POLA2: variants seen among roughly 807,000 people sequenced by gnomAD.
POLA2 encodes the protein DNA polymerase alpha subunit B.
In POLA2, 47 loss-of-function variants were observed where a neutral mutation model predicts 82.8. The observed-to-expected ratio is 0.57, with a 90% CI of 0.45 to 0.72. POLA2 has a LOEUF of 0.72. Ranked by LOEUF, POLA2 falls within the 30% of genes least tolerant of loss-of-function variation. The pLI is 0.00. For synonymous variants in POLA2, 287 were observed against 286.8 expected, an observed-to-expected ratio of 1.00 and a Z score of -0.01; for missense variants, 634 against 728.1, an observed-to-expected ratio of 0.87 and a Z score of 1.49.
downstream of POLA2, among the ~76,000 whole-genome samples, chr11:65,298,986 C>G (rs1276606555): frequency 6.6e-6 from 1 of 152,216 alleles, no homozygotes; most frequent in Non-Finnish European, 1.5e-5. Context: ...ATGCTAACAC[C>G]AGAGCAGACA....
At chr11:65,304,317 A>T (rs1446877677) in intron 8 of POLA2, among the ~76,000 whole-genome samples, 1 of 149,742 alleles carries the variant, frequency 6.7e-6, no homozygotes, top group Non-Finnish European at 1.5e-5. Context: ...CCACCCACTC[A>T]TCCATCCATC....
At chr11:65,274,353 C>A (rs1205376384) in intron 4 of POLA2, among the ~76,000 whole-genome samples, 5 of 145,172 alleles carry the variant, frequency 3.4e-5, no homozygotes, top group Admixed American at 1.4e-4. Flanking sequence ...GCAACAAGAG[C>A]GAAGTGAAAT....
rs575531013 is a variant in POLA2, at chr11:65,273,522, C to T, written c.355-2370C>T. Among the ~76,000 whole-genome samples, 30 of 152,254 alleles carry T rather than the reference C, an allele frequency of 2.0e-4. No individual in the cohort carries two copies. In the East Asian group the frequency reaches 3.9e-3, roughly 20 times the overall value. On this transcript the variant is annotated intron_variant, in intron 4 of 17. Coordinates refer to ENST00000265465, the MANE Select transcript of POLA2 (RefSeq NM_002689.4). The stretch of plus-strand genomic sequence containing the variant: ...AGTGCTGTCACCTTGCCACGTCTTG[C>T]GAGACAGACTGTCATTCTCTCAAAA...
rs932210383 is a variant in POLA2 at position 65,286,791 on chromosome 11, TTTG to T, written c.1007-917_1007-915del. On this transcript the variant is annotated intron_variant, in intron 10 of 17. Coordinates refer to ENST00000265465, the MANE Select transcript of POLA2 (RefSeq NM_002689.4). ...GTTAAGAAGCCAGGGATCTTTGGAT[TTTG>T]TTGTTGTAAGCCACAGAAACTGGCT... Among the ~76,000 whole-genome samples the T allele has an allele frequency of 7.1e-4, 108 of 152,186 alleles. 2 individuals carry two copies. Among genetic ancestry groups the T allele is most frequent in the Admixed American group, 2.6e-3 (39 of 15,270 alleles).
chr11:65,281,239 GTC>G, intron 8 of POLA2, 92 bp downstream of exon 8: 1 of 1,340,500 alleles, frequency 7.5e-7, no homozygotes, highest in Non-Finnish European at 1.0e-6. Context: ...CTCAGTTCCT[GTC>G]TCTGCTGCCA....
At chr11:65,283,223 C>G (rs1218128603) in intron 10 of POLA2, among the ~76,000 whole-genome samples, 1 of 152,218 alleles carries the variant, frequency 6.6e-6, no homozygotes. Context: ...AGTGGAACAA[C>G]TAGCAACATC....
chr11:65,263,314 G>A (rs571074540), intron 1 of POLA2, among the ~76,000 whole-genome samples: 5 of 148,056 alleles, frequency 3.4e-5, no homozygotes, highest in African/African-American at 1.3e-4. Flanking sequence ...CCGCCTCCCA[G>A]GTTCAAGCGA....
At chr11:65,284,774 G>A (rs892218892) in intron 10 of POLA2, among the ~76,000 whole-genome samples, 8 of 151,986 alleles carry the variant, frequency 5.3e-5, no homozygotes, top group Admixed American at 1.3e-4. Context: ...TGATCTGCCC[G>A]CCTCGGCCTC....
intron 4 of POLA2, among the ~76,000 whole-genome samples, chr11:65,273,374 G>C (rs189289539): frequency 6.6e-6 from 1 of 152,262 alleles, no homozygotes; most frequent in Admixed American, 6.5e-5. Flanking sequence ...TGTTAATAAT[G>C]AATCGTATGA....
At chr11:65,295,771 C>T in intron 16 of POLA2, 93 bp from the exon 17 acceptor site, 2 of 1,489,282 alleles carry the variant, frequency 1.3e-6, no homozygotes, top group Non-Finnish European at 1.9e-6. Flanking sequence ...TCTGTGGATG[C>T]CAGCAGCACG....
chr11:65,294,004 G>A lies in POLA2; in HGVS notation c.1245-149G>A, dbSNP rs560931477. The A allele has an allele frequency of 3.1e-4, 225 of 732,210 alleles. 2 individuals are homozygous for A. In the South Asian group the frequency reaches 3.1e-3, roughly 10 times the overall value. 45.4% of individuals were successfully genotyped at this position (732,210 alleles called of 1,614,324 possible). On this transcript the variant is annotated intron_variant, in intron 13 of 17. Transcript: ENST00000265465. ...CTCCCAGTGTCCCATGGGAAACAGC[G>A]TCTCTGTTCATAACAGAGTGCAGTT...
Position 65,289,822 on chromosome 11 carries a change from T to C in POLA2, c.1194T>C (p.Phe398=). The C allele has an allele frequency of 6.2e-7, 1 of 1,611,216 alleles. No individual in the cohort carries two copies. The highest frequency in any genetic ancestry group is 8.5e-7 in the Non-Finnish European group (1 of 1,177,398). ...AGAATTGTCTACTGACAAGTCCATT[T>C]GAAGACATTTTCAAGCAGTGTCTAC... ...QVENCLLTSP[F]EDIFKQCLRT... Residue 398 remains phenylalanine (F), a synonymous_variant, in exon 13 of 18, where the codon TTT becomes TTC. Transcript: ENST00000265465.
chr11:65,273,685 G>A (rs116013643), intron 4 of POLA2, among the ~76,000 whole-genome samples: 2,416 of 151,880 alleles, frequency 0.016, 69 homozygotes, highest in African/African-American at 0.056. Flanking sequence ...ATAAAGGCAG[G>A]GTGTCACTAT....
Position 65,266,583 on chromosome 11 carries a change from G to A in POLA2, c.81G>A (p.Leu27=), listed in dbSNP as rs759867853. 1 of 1,613,980 alleles carries A rather than the reference G, an allele frequency of 6.2e-7. No homozygotes were observed. Among genetic ancestry groups the A allele is most frequent in the Non-Finnish European group, 8.5e-7 (1 of 1,179,990 alleles). ...CTTGTCCAATTTTCCTTTCTACAGT[G>A]GTAGAGCTTTGTGTTCAGTATGGAC... ...LDCEEALIEK[L]VELCVQYGQN... is the part of the protein sequence containing the mutation. Residue 27 remains leucine, a splice_region_variant and synonymous_variant, in exon 2 of 18, where the codon TTG becomes TTA. Transcript: ENST00000265465.
chr11:65,300,490 G>A (rs1266365921), downstream of POLA2, among the ~76,000 whole-genome samples: 1 of 151,822 alleles, frequency 6.6e-6, no homozygotes, highest in East Asian at 1.9e-4. Flanking sequence ...GACCTCAGGT[G>A]ATCCACTCGC....
At chr11:65,305,315 A>T (rs1949881260) in intron 8 of POLA2, 1 of 453,592 alleles carries the variant, frequency 2.2e-6, no homozygotes, top group African/African-American at 2.0e-5. Context: ...GACCAGCCTC[A>T]CGCATCGTAA....
At chr11:65,294,502 A>G (rs1949789077) in intron 14 of POLA2, 44 bp from the exon 15 acceptor site, 1 of 1,527,798 alleles carries the variant, frequency 6.5e-7, no homozygotes, top group Non-Finnish European at 9.0e-7. Context: ...AGATGTTTCT[A>G]GCTTTGGCAT....
At chr11:65,273,919 AT>A (rs1398689992) in intron 4 of POLA2, among the ~76,000 whole-genome samples, 3 of 152,136 alleles carry the variant, frequency 2.0e-5, no homozygotes, top group Non-Finnish European at 4.4e-5. Flanking sequence ...GCATTTTAGC[AT>A]TTTTTTAATT....
chr11:65,300,245 G>C (rs1302677682), downstream of POLA2, among the ~76,000 whole-genome samples: 1 of 151,988 alleles, frequency 6.6e-6, no homozygotes, highest in Non-Finnish European at 1.5e-5. Flanking sequence ...ACCCAGGCTG[G>C]AGTGCAGTAG....
Sources: gnomAD v4.1 joint callset for allele counts (sites outside exome capture counted in the v4.1 genomes callset) on GRCh38, gnomAD v4.1.1 for gene constraint, MANE v1.5 for transcripts, NCBI Gene and HGNC (gene_info 2026-07-23, HGNC 2026-07-21) for gene names.